The following MFSD11 variants were observed in gnomAD, a reference collection of about 807,000 sequenced individuals.
MFSD11 encodes UNC93-like protein MFSD11.
Under a neutral mutation model 53.5 loss-of-function variants are expected in MFSD11, and 36 were observed. The ratio of observed to expected loss-of-function variants is 0.67; its 90% CI spans 0.52 to 0.89. The LOEUF (loss-of-function observed/expected upper bound fraction) is 0.89. MFSD11 is among the 40% of genes least tolerant of loss of function. The probability of loss-of-function intolerance (pLI) is 0.00; values close to 1 mark genes in which losing one functional copy is unlikely to be tolerated. For missense variants in MFSD11, 530 were observed against 543.9 expected, an observed-to-expected ratio of 0.97 and a Z score of 0.25; for synonymous variants, 186 against 184.9, an observed-to-expected ratio of 1.01 and a Z score of -0.05.
chr17:76,773,693 C>T (rs1422725885), intron 10 of MFSD11, among the ~76,000 whole-genome samples: 1 of 152,100 alleles, frequency 6.6e-6, no homozygotes, highest in Non-Finnish European at 1.5e-5. Context: ...TTGCAACCTC[C>T]ACCTCCTGGG....
intron 7 of MFSD11, among the ~76,000 whole-genome samples, 173 bp from the exon 8 acceptor site, chr17:76,753,874 G>A (rs934841081): frequency 5.9e-5 from 9 of 152,108 alleles, no homozygotes; most frequent in South Asian, 2.1e-4. Context: ...AACCTGAAGC[G>A]AGGGTGTGGC....
intron 2 of MFSD11, among the ~76,000 whole-genome samples, chr17:76,740,436 G>A (rs570591120): frequency 1.3e-5 from 2 of 152,166 alleles, no homozygotes; most frequent in Non-Finnish European, 2.9e-5. Flanking sequence ...CTCTGCGCTT[G>A]TTATTTATAG....
chr17:76,803,680 C>G, the MFSD11 span, among the ~76,000 whole-genome samples: 2 of 152,184 alleles, frequency 1.3e-5, no homozygotes, highest in Admixed American at 6.5e-5. Flanking sequence ...TCTGACCCAA[C>G]AGTCAGCACT....
chr17:76,744,578 A>G, intron 7 of MFSD11, 112 bp downstream of exon 7: 1 of 902,376 alleles, frequency 1.1e-6, no homozygotes, highest in South Asian at 2.1e-5. Context: ...TCTGTAGGTT[A>G]CCACAGGCAA....
At chr17:76,762,780 G>A (rs191228677) in intron 8 of MFSD11, among the ~76,000 whole-genome samples, 6 of 151,890 alleles carry the variant, frequency 4.0e-5, no homozygotes, top group Non-Finnish European at 5.9e-5. Flanking sequence ...TGGACTTCCC[G>A]AGTAGAAAGC....
intron 7 of MFSD11, chr17:76,745,486 TTG>T (rs1466729335): frequency 6.6e-6 from 1 of 152,284 alleles, no homozygotes; most frequent in Non-Finnish European, 1.5e-5. Flanking sequence ...TGTGGTCACT[TTG>T]TGTCTCTCTG....
At chr17:76,788,726 G>A in the MFSD11 span, among the ~76,000 whole-genome samples, 1 of 147,542 alleles carries the variant, frequency 6.8e-6, no homozygotes, top group South Asian at 2.3e-4. Context: ...GGTGGCACGC[G>A]CCTGTAGTCC....
chr17:76,762,983 C>T (rs2080438198), intron 8 of MFSD11, among the ~76,000 whole-genome samples: 1 of 152,050 alleles, frequency 6.6e-6, no homozygotes, highest in South Asian at 2.1e-4. Flanking sequence ...ATGCAAACGC[C>T]CCAGGCCTTC....
rs1598805515 is a variant in MFSD11 at position 76,778,503 on chromosome 17, G to T, written c.*151G>T. On this transcript the variant is annotated 3_prime_UTR_variant, in exon 13 of 13. Transcript: ENST00000685175. ...AAGACTGTTAAATCAGCCAGAGTTG[G>T]TGTTCAAGTTTACAGATATGAGTTA... 1 of 701,310 alleles carries T rather than the reference G, an allele frequency of 1.4e-6. No homozygotes were observed. Among genetic ancestry groups the T allele is most frequent in the East Asian group, 2.6e-5 (1 of 38,226 alleles). 43.4% of individuals were successfully genotyped at this position (701,310 alleles called of 1,614,324 possible). A position where few individuals can be genotyped will look rare whatever the true frequency, so the allele number is the denominator to read the frequency against.
intron 7 of MFSD11, among the ~76,000 whole-genome samples, chr17:76,750,265 C>T (rs570253247): frequency 2.6e-5 from 4 of 151,490 alleles, no homozygotes; most frequent in African/African-American, 7.3e-5. Flanking sequence ...CAAATGATGG[C>T]ATCTAAATAG....
At chr17:76,794,168 A>G in the MFSD11 span, among the ~76,000 whole-genome samples, 5 of 151,472 alleles carry the variant, frequency 3.3e-5, no homozygotes, top group Non-Finnish European at 7.4e-5. Context: ...GCAAGCTAAT[A>G]CAAGGAGAGA....
At chr17:76,750,264 G>A (rs2078939017) in intron 7 of MFSD11, among the ~76,000 whole-genome samples, 2 of 152,096 alleles carry the variant, frequency 1.3e-5, no homozygotes, top group Admixed American at 6.6e-5. Context: ...CCAAATGATG[G>A]CATCTAAATA....
chr17:76,776,611 G>C lies in MFSD11; in HGVS notation c.1185+70G>C. 1 of 1,411,900 alleles carries C rather than the reference G, an allele frequency of 7.1e-7. No individual in the cohort carries two copies. Among genetic ancestry groups the C allele is most frequent in the Non-Finnish European group, 9.5e-7 (1 of 1,050,718 alleles). 87.5% of individuals were successfully genotyped at this position (1,411,900 alleles called of 1,614,324 possible). A position where few individuals can be genotyped will look rare whatever the true frequency, so the allele number is the denominator to read the frequency against. On this transcript the variant is annotated intron_variant, in intron 12 of 12. Coordinates refer to ENST00000685175, the MANE Select transcript of MFSD11 (RefSeq NM_001242532.5). The surrounding 1 kb of genome is among the most constrained non-coding windows in gnomAD (Gnocchi z 4.2). ...CTTTGTGTATTGCCTTGTTTTCCTT[G>C]GTTACTTGTATTGTGGTTTTAATTT...
the MFSD11 span, among the ~76,000 whole-genome samples, chr17:76,789,297 T>C: frequency 1.3e-5 from 2 of 150,034 alleles, no homozygotes; most frequent in Non-Finnish European, 3.0e-5. Context: ...GTTTGTGTTT[T>C]TCTTCCCTTA....
intron 8 of MFSD11, among the ~76,000 whole-genome samples, chr17:76,762,137 A>G (rs1052356043): frequency 6.6e-6 from 1 of 151,828 alleles, no homozygotes; most frequent in African/African-American, 2.4e-5. Flanking sequence ...CCCTTTCACT[A>G]CTATTGCACC....
In MFSD11 at chr17:76,776,103, C is replaced by G. The variant is rs1356654375; in HGVS notation, c.1050-303C>G. The stretch of plus-strand genomic sequence containing the variant: ...AAGTGATTCTCGTGTCTCAGCCTCC[C>G]GAGTAGCTGGGATTACAGGCACGCG... On this transcript the variant is annotated intron_variant, in intron 11 of 12. Transcript: ENST00000685175. The surrounding 1 kb of genome is among the most constrained non-coding windows in gnomAD (Gnocchi z 4.2). Among the ~76,000 whole-genome samples, 2 of 152,102 alleles carry G rather than the reference C, an allele frequency of 1.3e-5. No homozygotes were observed. Among genetic ancestry groups the G allele is most frequent in the Non-Finnish European group, 2.9e-5 (2 of 68,014 alleles).
chr17:76,746,254 G>T (rs918302444), intron 7 of MFSD11, among the ~76,000 whole-genome samples: 1 of 152,184 alleles, frequency 6.6e-6, no homozygotes, highest in Non-Finnish European at 1.5e-5. Context: ...TTCTGTGAAG[G>T]CTGAGAGACG....
intron 8 of MFSD11, among the ~76,000 whole-genome samples, chr17:76,756,651 C>T (rs570504613): frequency 3.0e-4 from 45 of 151,930 alleles, no homozygotes; most frequent in African/African-American, 1.1e-3. Context: ...ACTTGAGGTC[C>T]GGCATTCAAG....
Position 76,776,385 on chromosome 17 carries a change from AT to A in MFSD11, c.1050-19del. The A allele has an allele frequency of 6.2e-7, 1 of 1,611,166 alleles. No homozygotes were observed. The highest frequency in any genetic ancestry group is 1.7e-5 in the Admixed American group (1 of 59,350). ...CTCTAGCAGATATTGCTCATACTAAATTGATTTTTATTTTCTTCAGCAAAGA... is the reference window on the plus strand; with the variant it reads ...CTCTAGCAGATATTGCTCATACTAAATGATTTTTATTTTCTTCAGCAAAGA... On this transcript the variant is annotated intron_variant, in intron 11 of 12. Coordinates refer to ENST00000685175, the MANE Select transcript of MFSD11 (RefSeq NM_001242532.5). This position sits in a 1 kb window ranked among gnomAD's most constrained non-coding sequence, Gnocchi z 4.2.
Sources: gnomAD v4.1 joint callset for allele counts (sites outside exome capture counted in the v4.1 genomes callset) on GRCh38, gnomAD v4.1.1 for gene constraint, Gnocchi (gnomAD v3.1) non-coding constraint, MANE v1.5 for transcripts, NCBI Gene and HGNC (gene_info 2026-07-23, HGNC 2026-07-21) for gene names.